PIBF1: variants seen among roughly 807,000 people sequenced by gnomAD.
The protein encoded by PIBF1 is progesterone-induced-blocking factor 1.
In PIBF1, 90 loss-of-function variants were observed where a neutral mutation model predicts 112.5. The observed-to-expected ratio is 0.80, with a 90% CI of 0.67 to 0.95. The LOEUF (loss-of-function observed/expected upper bound fraction) is 0.95. Ranked by LOEUF, PIBF1 falls within the 40% of genes least tolerant of loss-of-function variation. PIBF1 has a pLI of 0.00. For missense variants in PIBF1, 915 were observed against 852.3 expected, an observed-to-expected ratio of 1.07 and a Z score of -0.92; for synonymous variants, 301 against 288.6, an observed-to-expected ratio of 1.04 and a Z score of -0.44.
chr13:73,011,879 T>C (rs2044214602), intron 17 of PIBF1, among the ~76,000 whole-genome samples: 1 of 152,136 alleles, frequency 6.6e-6, no homozygotes, highest in Non-Finnish European at 1.5e-5. Context: ...GTGCCATAAA[T>C]GTTGGAATTA....
intron 5 of PIBF1, among the ~76,000 whole-genome samples, chr13:72,808,910 TTAC>T: frequency 6.6e-6 from 1 of 152,292 alleles, no homozygotes; most frequent in East Asian, 1.9e-4. Flanking sequence ...CCATAGTGGT[TTAC>T]TAAGAGAAAC....
intron 9 of PIBF1, among the ~76,000 whole-genome samples, chr13:72,846,300 T>C (rs926214978): frequency 6.6e-6 from 1 of 152,206 alleles, no homozygotes; most frequent in African/African-American, 2.4e-5. Flanking sequence ...CATTCCATAT[T>C]CTATTCATTA....
rs1186934473 is a variant in PIBF1, at chr13:72,998,812, A to G, written c.2050-10A>G. The stretch of plus-strand genomic sequence containing the variant: ...TCTTGCTACTTTCTTCTGTTTTCAT[A>G]TATCAACAGGAATTGGCAGCAATGA... On this transcript the variant is annotated splice_polypyrimidine_tract_variant and intron_variant, in intron 16 of 17. Transcript: ENST00000326291. 7 of 1,601,934 alleles carry G rather than the reference A, an allele frequency of 4.4e-6. No individual in the cohort carries two copies. The highest frequency in any genetic ancestry group is 1.7e-4 in the Middle Eastern group (1 of 6,036).
chr13:72,873,039 A>C (rs1488509264), intron 10 of PIBF1, among the ~76,000 whole-genome samples: 1 of 152,224 alleles, frequency 6.6e-6, no homozygotes, highest in Non-Finnish European at 1.5e-5. Flanking sequence ...TTACAGAGTC[A>C]GTGCAATTCT....
At chr13:72,806,616 T>C (rs1400423299) in intron 5 of PIBF1, among the ~76,000 whole-genome samples, 12 of 152,062 alleles carry the variant, frequency 7.9e-5, no homozygotes, top group Admixed American at 6.5e-4. Context: ...AGTGAAAACA[T>C]GTGGTGTTTG....
rs1027498320 is a variant in PIBF1, at chr13:72,887,960, G to A, written c.1323-5824G>A. 4.4e-4 allele frequency among the ~76,000 whole-genome samples: 67 copies of A among 152,092 alleles called. 1 individual carries two copies. Among genetic ancestry groups the A allele is most frequent in the Admixed American group, 4.1e-3 (63 of 15,250 alleles). ...ACCAAGGTCAATACAGTAGAAGCCC[G>A]TATGCTTTTTCCGACCGTGTTGGTA... On this transcript the variant is annotated intron_variant, in intron 10 of 17. Transcript: ENST00000326291.
intron 16 of PIBF1, among the ~76,000 whole-genome samples, chr13:72,974,917 G>A (rs988148353): frequency 5.9e-5 from 9 of 152,052 alleles, no homozygotes; most frequent in Non-Finnish European, 1.2e-4. Context: ...CCCCCTCTAC[G>A]ATGAATGAGA....
chr13:72,788,982 A>G (rs2034750830), intron 2 of PIBF1, among the ~76,000 whole-genome samples: 1 of 152,194 alleles, frequency 6.6e-6, no homozygotes, highest in Non-Finnish European at 1.5e-5. Context: ...AACAGGAACA[A>G]GCAGGTCCAA....
intron 12 of PIBF1, among the ~76,000 whole-genome samples, chr13:72,912,271 G>A (rs1257519078): frequency 1.3e-5 from 2 of 151,922 alleles, no homozygotes; most frequent in African/African-American, 2.4e-5. Context: ...ATCTGTTAAC[G>A]TTAGCAGTAG....
chr13:72,881,744 C>G (rs558326847), intron 10 of PIBF1, among the ~76,000 whole-genome samples: 67 of 150,652 alleles, frequency 4.4e-4, no homozygotes, highest in African/African-American at 1.6e-3. Flanking sequence ...TAAAAGATCT[C>G]TACAATGAAA....
chr13:72,856,344 A>G (rs114065761), intron 10 of PIBF1, among the ~76,000 whole-genome samples: 3,338 of 152,272 alleles, frequency 0.022, 134 homozygotes, highest in African/African-American at 0.076. Context: ...TAAACTGGAA[A>G]ACCTCATTTT....
At chr13:73,002,983 C>CAAAAAAAAAAA (rs1161228077) in intron 17 of PIBF1, among the ~76,000 whole-genome samples, 2 of 57,520 alleles carry the variant, frequency 3.5e-5, no homozygotes, top group Non-Finnish European at 5.7e-5. Context: ...ACTCTGGTCT[C>CAAAAAAAAAAA]AAAAAAAAAA....
intron 14 of PIBF1, among the ~76,000 whole-genome samples, chr13:72,937,602 CT>C (rs1274099234): frequency 6.6e-6 from 1 of 152,118 alleles, no homozygotes; most frequent in Non-Finnish European, 1.5e-5. Flanking sequence ...GGTGGATCAC[CT>C]GAGGTCAGTA....
chr13:72,993,002 T>A (rs1427302201), intron 16 of PIBF1, among the ~76,000 whole-genome samples: 3 of 152,178 alleles, frequency 2.0e-5, no homozygotes, highest in Non-Finnish European at 2.9e-5. Flanking sequence ...ATAATTAATT[T>A]CTTCAGAAAG....
chr13:72,802,677 A>G (rs1566288640), intron 5 of PIBF1, among the ~76,000 whole-genome samples: 1 of 151,930 alleles, frequency 6.6e-6, no homozygotes, highest in Non-Finnish European at 1.5e-5. Context: ...AGACATGTTG[A>G]GTTTGAGAGA....
Position 72,827,916 on chromosome 13 carries a change from C to T in PIBF1, c.1097+2C>T. 1.3e-6 allele frequency: 2 copies of T among 1,544,314 alleles called. No individual in the cohort carries two copies. The highest frequency in any genetic ancestry group is 2.7e-5 in the African/African-American group (2 of 73,164). ...GTATGAAAAATATGTAGCATCCAGG[C>T]AAGATTTGCATTATTTCCCACGTAA... is the stretch of plus-strand genomic sequence containing the variant. On this transcript the variant is annotated splice_donor_variant, in intron 8 of 17. Transcript: ENST00000326291. LOFTEE classifies it low-confidence loss of function (GC_TO_GT_DONOR).
intron 4 of PIBF1, among the ~76,000 whole-genome samples, chr13:72,797,178 G>A (rs1049342934): frequency 6.6e-6 from 1 of 152,132 alleles, no homozygotes; most frequent in African/African-American, 2.4e-5. Context: ...GACTTCCACT[G>A]TAGGGACAGC....
chr13:72,886,270 T>C (rs892260356), intron 10 of PIBF1, among the ~76,000 whole-genome samples: 4 of 144,396 alleles, frequency 2.8e-5, no homozygotes, highest in African/African-American at 2.6e-5. Flanking sequence ...CACTGAGATA[T>C]ACGTTAAAAG....
Position 72,966,658 on chromosome 13 carries a change from C to T in PIBF1, c.1964+1254C>T, listed in dbSNP as rs530642553. Among the ~76,000 whole-genome samples, 199 of 152,134 alleles carry T rather than the reference C, an allele frequency of 1.3e-3. 2 individuals carry two copies. The highest frequency in any genetic ancestry group is 2.1e-3 in the Non-Finnish European group (146 of 67,992). Reference sequence around the variant, plus strand: ...GCGCAGTGGCTCACACCTGTAATCCCAGCACTTTGGGAGGCTGAGGCAGGC... The same window carrying T: ...GCGCAGTGGCTCACACCTGTAATCCTAGCACTTTGGGAGGCTGAGGCAGGC... On this transcript the variant is annotated intron_variant, in intron 15 of 17. Coordinates refer to ENST00000326291, the MANE Select transcript of PIBF1 (RefSeq NM_006346.4).
Sources: allele counts gnomAD v4.1 joint callset (sites outside exome capture counted in the v4.1 genomes callset), GRCh38; gene constraint gnomAD v4.1.1; transcripts MANE v1.5; gene names NCBI Gene and HGNC (gene_info 2026-07-23, HGNC 2026-07-21).